The following THOC7 variants were observed in gnomAD, a reference collection of about 807,000 sequenced individuals.
THOC7 encodes THO complex subunit 7.
Under a neutral mutation model 33.1 loss-of-function variants are expected in THOC7, and 22 were observed. The ratio of observed to expected loss-of-function variants is 0.66; its 90% CI spans 0.47 to 0.95. The LOEUF is 0.95. THOC7 is among the 40% of genes least tolerant of loss of function. THOC7 has a pLI of 0.00. For synonymous variants in THOC7, 77 were observed against 76.8 expected, an observed-to-expected ratio of 1.00 and a Z score of -0.01; for missense variants, 184 against 245.3, an observed-to-expected ratio of 0.75 and a Z score of 1.67.
At chr3:63,863,393 C>T in intron 1 of THOC7, 1 of 1,021,660 alleles carries the variant, frequency 9.8e-7, no homozygotes, top group Non-Finnish European at 1.2e-6. Flanking sequence ...GTCCTCACCG[C>T]GCCCCTAGAC....
At chr3:63,840,745 C>A (rs771751982) in intron 1 of THOC7, among the ~76,000 whole-genome samples, 1 of 152,188 alleles carries the variant, frequency 6.6e-6, no homozygotes, top group Non-Finnish European at 1.5e-5. Context: ...GTTAAAACCA[C>A]AGTAAAACGT....
chr3:63,863,945 C>T (rs1702316430), upstream of THOC7: 1 of 138,468 alleles, frequency 7.2e-6, no homozygotes, highest in Non-Finnish European at 1.3e-5. Context: ...TGAGCCGCGC[C>T]GCGCCGCGCC....
chr3:63,836,332 G>T lies in THOC7; in HGVS notation c.379C>A (p.Gln127Lys). The change falls in exon 5 of 8, where the codon CAG (glutamine) becomes AAG (lysine). Residue 127 changes from glutamine to lysine, a missense_variant. Around this residue, in one of 3 missense-constraint regions of THOC7, gnomAD observed 157 missense variants for 201.3 expected, o/e 0.78. Coordinates refer to ENST00000295899, the MANE Select transcript of THOC7 (RefSeq NM_025075.4). ...GTCTCATGCCTGTCTGGATGGTGCTGAATCACTTTTGCCAAAGCATCATAT... is the reference window on the plus strand; with the variant it reads ...GTCTCATGCCTGTCTGGATGGTGCTTAATCACTTTTGCCAAAGCATCATAT... ...QEYDALAKVI[Q>K]HHPDRHETLK... is the part of the protein sequence containing the mutation. 6.2e-7 allele frequency: 1 copy of T among 1,612,600 alleles called. No individual in the cohort carries two copies. The highest frequency in any genetic ancestry group is 8.5e-7 in the Non-Finnish European group (1 of 1,179,150).
chr3:63,842,583 TGAAGTAACTCAG>T (rs1174854412), intron 1 of THOC7, among the ~76,000 whole-genome samples: 1 of 152,104 alleles, frequency 6.6e-6, no homozygotes, highest in Non-Finnish European at 1.5e-5. Context: ...TTATTCTAAG[TGAAGTAACTCAG>T]GAATGGAAAA....
rs755427761 is a variant in THOC7, at chr3:63,835,156, T to G, written c.545A>C (p.Glu182Ala). The G allele has an allele frequency of 6.2e-7, 1 of 1,613,416 alleles. No individual in the cohort carries two copies. Among genetic ancestry groups the G allele is most frequent in the Non-Finnish European group, 8.5e-7 (1 of 1,179,700 alleles). ...STIHELQQTL[E>A]NDEKLSEVEE... ...ACTTTGAGACTATTTCTACTTACTT[T>G]CCAATGTTTGCTGAAGTTCATGGAT... is the stretch of plus-strand genomic sequence containing the variant. Residue 182 changes from glutamate to alanine, a missense_variant and splice_region_variant, in exon 7 of 8, where the codon GAA (glutamate) becomes GCA (alanine). Physicochemically the swap from Glu to Ala is moderately radical, Grantham distance 107. Transcript: ENST00000295899.
upstream of THOC7, among the ~76,000 whole-genome samples, chr3:63,864,127 A>G (rs1290074360): frequency 2.0e-5 from 3 of 147,546 alleles, no homozygotes; most frequent in Non-Finnish European, 4.5e-5. Flanking sequence ...CCACGCCCAG[A>G]GGCCGCCCCG....
intron 1 of THOC7, among the ~76,000 whole-genome samples, chr3:63,850,390 AG>A (rs1274736637): frequency 1.3e-5 from 2 of 151,278 alleles, no homozygotes; most frequent in African/African-American, 4.9e-5. Context: ...TAGGAGAGTC[AG>A]GGTTTCACCA....
chr3:63,845,672 A>G (rs1701876779), intron 1 of THOC7, among the ~76,000 whole-genome samples: 1 of 152,198 alleles, frequency 6.6e-6, no homozygotes, highest in Admixed American at 6.5e-5. Context: ...CAGACAAAAA[A>G]GAAACTGAAA....
chr3:63,837,929 T>C (rs1455622299), intron 4 of THOC7, 47 bp downstream of exon 4: 13 of 1,517,818 alleles, frequency 8.6e-6, no homozygotes, highest in South Asian at 3.6e-5. Flanking sequence ...ATGAAAACTG[T>C]AGTCAGTAAT....
At chr3:63,838,570 A>G (rs1701684905) in intron 2 of THOC7, 71 bp from the exon 3 acceptor site, 1 of 1,406,106 alleles carries the variant, frequency 7.1e-7, no homozygotes, top group South Asian at 1.4e-5. Context: ...TATAATGCAG[A>G]CAAATATTTG....
chr3:63,863,680 G>A, intron 1 of THOC7, 92 bp downstream of exon 1: 1 of 1,237,646 alleles, frequency 8.1e-7, no homozygotes, highest in Non-Finnish European at 1.0e-6. Flanking sequence ...GGAGGCCGAG[G>A]GGTTCCCGGA....
At chr3:63,849,794 T>C (rs1363151439) in intron 1 of THOC7, among the ~76,000 whole-genome samples, 2 of 152,208 alleles carry the variant, frequency 1.3e-5, no homozygotes, top group African/African-American at 4.8e-5. Flanking sequence ...TTTTCACTAG[T>C]AGACTAGACT....
At chr3:63,863,565 G>T in intron 1 of THOC7, 1 of 1,195,746 alleles carries the variant, frequency 8.4e-7, no homozygotes, top group Non-Finnish European at 1.0e-6. Context: ...TCCGAGGGGC[G>T]CTCGGGCTCT....
intron 1 of THOC7, chr3:63,860,894 G>C (rs1702197800): frequency 6.6e-6 from 1 of 152,124 alleles, no homozygotes; most frequent in Non-Finnish European, 1.5e-5. Context: ...ACTACTTCTA[G>C]GAAAGAAAAG....
intron 4 of THOC7, among the ~76,000 whole-genome samples, chr3:63,837,552 T>A (rs1360607674): frequency 6.6e-6 from 1 of 151,948 alleles, no homozygotes; most frequent in Non-Finnish European, 1.5e-5. Flanking sequence ...AAACTCAGAG[T>A]TTAAATTCTT....
rs148469306 is a variant in THOC7 at position 63,842,469 on chromosome 3, G to A, written c.20-2696C>T. On this transcript the variant is annotated intron_variant, in intron 1 of 7. Coordinates refer to ENST00000295899, the MANE Select transcript of THOC7 (RefSeq NM_025075.4). Reference sequence around the variant, plus strand: ...AACCTAAGTGTCCACTGATCAATGAGTGAATAAAGAAAATGTGGTATCTAT... The same window carrying A: ...AACCTAAGTGTCCACTGATCAATGAATGAATAAAGAAAATGTGGTATCTAT... Among the ~76,000 whole-genome samples the A allele has an allele frequency of 8.4e-3, 1,285 of 152,188 alleles. 19 individuals are homozygous for A. The highest frequency in any genetic ancestry group is 0.027 in the African/African-American group (1,129 of 41,534).
intron 1 of THOC7, among the ~76,000 whole-genome samples, chr3:63,852,161 G>A (rs1223319835): frequency 6.6e-6 from 1 of 152,196 alleles, no homozygotes; most frequent in Non-Finnish European, 1.5e-5. Flanking sequence ...CTGCAGGCAT[G>A]CAGAATGCAA....
intron 4 of THOC7, 49 bp from the exon 5 acceptor site, chr3:63,836,407 A>G (rs376672765): frequency 1.3e-6 from 2 of 1,570,536 alleles, no homozygotes; most frequent in Admixed American, 3.4e-5. Context: ...TTGAATGTGA[A>G]TTATCAAAAC....
chr3:63,859,396 C>T (rs1702167089), intron 1 of THOC7, among the ~76,000 whole-genome samples: 1 of 152,212 alleles, frequency 6.6e-6, no homozygotes, highest in Non-Finnish European at 1.5e-5. Flanking sequence ...TCCTCTTGGC[C>T]CACCTGGATG....
Sources: gnomAD v4.1 joint callset for allele counts (sites outside exome capture counted in the v4.1 genomes callset) on GRCh38, gnomAD v4.1.1 for gene constraint, gnomAD v4.1.1 regional missense constraint, MANE v1.5 for transcripts, NCBI Gene and HGNC (gene_info 2026-07-23, HGNC 2026-07-21) for gene names.